Variants in MAP3K9 observed in about 807,000 individuals in gnomAD.
The protein encoded by MAP3K9 is mixed lineage kinase 1 (tyr and ser/thr specificity).
A neutral mutation model predicts 95.8 loss-of-function variants in MAP3K9; 46 were observed. That is an observed-to-expected ratio of 0.48 (90% CI 0.38 to 0.61). The LOEUF (loss-of-function observed/expected upper bound fraction) is 0.61, where lower values mean the gene tolerates loss of function less well. Ranked by LOEUF, MAP3K9 falls within the 20% of genes least tolerant of loss-of-function variation. MAP3K9 has a pLI of 0.00. For missense variants in MAP3K9, 1,296 were observed against 1,474.3 expected (o/e 0.88, Z 1.98); for synonymous variants, 533 against 593.8 (o/e 0.90, Z 1.49).
At chr14:70,745,096 C>T (rs1265152312) in intron 5 of MAP3K9, among the ~76,000 whole-genome samples, 1 of 152,082 alleles carries the variant, frequency 6.6e-6, no homozygotes, top group Non-Finnish European at 1.5e-5. Flanking sequence ...GCTGGTTACC[C>T]TGGGCCTTGG....
At chr14:70,796,656 G>A (rs1566767099) in intron 2 of MAP3K9, among the ~76,000 whole-genome samples, 3 of 152,146 alleles carry the variant, frequency 2.0e-5, no homozygotes, top group Admixed American at 6.6e-5. Context: ...CTGGACTTCC[G>A]GGAGATTAAT....
chr14:70,783,452 T>C (rs964780970), intron 2 of MAP3K9: 34 of 935,014 alleles, frequency 3.6e-5, no homozygotes, highest in Non-Finnish European at 4.2e-5. Flanking sequence ...AAAGAGCTCC[T>C]GAAGGATTCA....
At chr14:70,799,178 T>C (rs1170232715) in intron 2 of MAP3K9, among the ~76,000 whole-genome samples, 1 of 90,636 alleles carries the variant, frequency 1.1e-5, no homozygotes. Context: ...CTTACATAAT[T>C]TTTTTTAAGA....
chr14:70,803,538 C>T (rs959127848), intron 1 of MAP3K9, among the ~76,000 whole-genome samples: 16 of 152,240 alleles, frequency 1.1e-4, no homozygotes, highest in Non-Finnish European at 7.4e-5. Flanking sequence ...CCTCCGTTCT[C>T]CACTCAGATG....
At chr14:70,736,928 T>C (rs542715868) in intron 8 of MAP3K9, among the ~76,000 whole-genome samples, 11 of 152,332 alleles carry the variant, frequency 7.2e-5, no homozygotes, top group African/African-American at 1.9e-4. Context: ...ATTTTTACCT[T>C]CGGCTCAGAT....
chr14:70,784,178 G>C (rs1176055534), intron 2 of MAP3K9, among the ~76,000 whole-genome samples: 1 of 152,108 alleles, frequency 6.6e-6, no homozygotes, highest in Admixed American at 6.5e-5. Flanking sequence ...AGCTACTTGA[G>C]AGGCTGAGGC....
rs990507598 is a variant in MAP3K9, at chr14:70,733,147, C to T, written c.2222G>A (p.Arg741Gln). ...GCAGCGGCGGTGGTGGGCACCGCCC[C>T]GCTTGAGGCTGTTGGTTGGCGTCAG... ...PQLTPTNSLK[R>Q]GGAHHRRCEV... is the part of the protein sequence containing the mutation. Residue 741 changes from arginine to glutamine, a missense_variant, in exon 11 of 12, where the codon CGG (arginine) becomes CAG (glutamine). Arg to Gln is a conservative substitution (Grantham distance 43, BLOSUM62 1). Coordinates refer to ENST00000554752, the MANE Select transcript of MAP3K9 (RefSeq NM_001284230.2). 18 of 1,612,808 alleles carry T rather than the reference C, an allele frequency of 1.1e-5. No individual in the cohort carries two copies. The highest frequency in any genetic ancestry group is 2.2e-5 in the South Asian group (2 of 90,982).
chr14:70,799,549 C>T (rs917748622), intron 2 of MAP3K9, among the ~76,000 whole-genome samples: 3 of 152,010 alleles, frequency 2.0e-5, no homozygotes, highest in Non-Finnish European at 4.4e-5. Flanking sequence ...CCGTGTTAGC[C>T]AGGATGGTCT....
chr14:70,733,289 G>T lies in MAP3K9; in HGVS notation c.2080C>A (p.Pro694Thr). 9 of 1,605,224 alleles carry T rather than the reference G, an allele frequency of 5.6e-6. No individual in the cohort carries two copies. The highest frequency in any genetic ancestry group is 7.7e-6 in the Non-Finnish European group (9 of 1,174,096). The change falls in exon 11 of 12, where the codon CCC becomes ACC. Residue 694 changes from proline to threonine, a missense_variant. By Grantham distance (38) the Pro-to-Thr change is conservative. Coordinates refer to ENST00000554752, the MANE Select transcript of MAP3K9 (RefSeq NM_001284230.2). Reference protein sequence around the residue: ...GSGESRLQHSPSQSYLCIPFP... With the variant: ...GSGESRLQHSTSQSYLCIPFP... ...GGGATACAGAGGTAGGACTGGCTGG[G>T]TGAATGCTGTAGGCGACTCTCTCCA...
At position 70,726,034 on chromosome 14, in the gene MAP3K9, C is replaced by A. The variant is rs1282532931; in HGVS notation, c.*4346G>T. 2.6e-5 allele frequency: 4 copies of A among 152,276 alleles called. No individual in the cohort carries two copies. Among genetic ancestry groups the A allele is most frequent in the African/African-American group, 4.8e-5 (2 of 41,468 alleles). 9.4% of individuals were successfully genotyped at this position (152,276 alleles called of 1,614,324 possible). A position where few individuals can be genotyped will look rare whatever the true frequency, so the allele number is the denominator to read the frequency against. The stretch of plus-strand genomic sequence containing the variant: ...AAAGATATGTGCAAATTCACACACC[C>A]AGGAAGTAGGCAGCTTTTATCACCA... On this transcript the variant is annotated 3_prime_UTR_variant, in exon 12 of 12. Transcript: ENST00000554752.
At chr14:70,766,019 T>C (rs2054450586) in intron 2 of MAP3K9, among the ~76,000 whole-genome samples, 10 of 151,900 alleles carry the variant, frequency 6.6e-5, no homozygotes, top group Admixed American at 6.6e-4. Flanking sequence ...ACATTGGAAC[T>C]AAAGACCCAG....
chr14:70,746,551 ACT>A (rs1183560695), intron 5 of MAP3K9, among the ~76,000 whole-genome samples: 1 of 152,190 alleles, frequency 6.6e-6, no homozygotes, highest in Non-Finnish European at 1.5e-5. Flanking sequence ...AAGAGAAAGG[ACT>A]CTGGAACAAA....
At chr14:70,798,470 AG>A (rs2054889444) in intron 2 of MAP3K9, among the ~76,000 whole-genome samples, 1 of 108,342 alleles carries the variant, frequency 9.2e-6, no homozygotes, top group East Asian at 2.3e-4. Context: ...GGTCACCAAA[AG>A]TTTTTTTTTT....
At chr14:70,745,847 T>C (rs1443717977) in intron 5 of MAP3K9, among the ~76,000 whole-genome samples, 3 of 152,118 alleles carry the variant, frequency 2.0e-5, no homozygotes, top group Non-Finnish European at 4.4e-5. Context: ...ATTGAGTCAA[T>C]AAATGAATGA....
intron 5 of MAP3K9, among the ~76,000 whole-genome samples, chr14:70,745,637 C>T (rs1007428145): frequency 6.6e-6 from 1 of 151,906 alleles, no homozygotes; most frequent in Non-Finnish European, 1.5e-5. Context: ...ACTTGGGAGG[C>T]TGAGGCAGGA....
chr14:70,749,635 C>A, intron 4 of MAP3K9: 1 of 313,192 alleles, frequency 3.2e-6, no homozygotes, highest in East Asian at 5.9e-5. Flanking sequence ...TTCAGAGGTC[C>A]TGACATAAAA....
At chr14:70,760,233 A>G (rs2054354668) in intron 3 of MAP3K9, among the ~76,000 whole-genome samples, 1 of 152,134 alleles carries the variant, frequency 6.6e-6, no homozygotes, top group Non-Finnish European at 1.5e-5. Context: ...ATATAATGAT[A>G]AACTACAGTC....
chr14:70,732,349 G>A (rs2053916650), intron 11 of MAP3K9, among the ~76,000 whole-genome samples, 190 bp downstream of exon 11: 2 of 152,062 alleles, frequency 1.3e-5, no homozygotes. Flanking sequence ...GACCCCTGAG[G>A]CACAGGTCAG....
chr14:70,795,526 G>A (rs1364572854), intron 2 of MAP3K9, among the ~76,000 whole-genome samples: 1 of 143,338 alleles, frequency 7.0e-6, no homozygotes, highest in East Asian at 2.2e-4. Context: ...TGCCTAGGCT[G>A]GTCTCAAACT....
Sources: allele counts gnomAD v4.1 joint callset (sites outside exome capture counted in the v4.1 genomes callset), GRCh38; gene constraint gnomAD v4.1.1; transcripts MANE v1.5; gene names NCBI Gene and HGNC (gene_info 2026-07-23, HGNC 2026-07-21).